AP2B1: variants seen among roughly 807,000 people sequenced by gnomAD.
AP2B1 encodes AP-2 complex subunit beta.
AP2B1 carries 23 observed loss-of-function variants against 102.0 expected under a neutral mutation model. That is an observed-to-expected ratio of 0.23 (90% CI 0.16 to 0.32). The LOEUF (loss-of-function observed/expected upper bound fraction) is 0.32. Ranked by LOEUF, AP2B1 falls within the 10% of genes least tolerant of loss-of-function variation. The pLI, the probability that AP2B1 is intolerant of heterozygous loss-of-function variation, is 1.00. For synonymous variants in AP2B1, 381 were observed against 421.2 expected (o/e 0.90, Z 1.17); for missense variants, 541 against 1,157.4 (o/e 0.47, Z 7.73).
intron 5 of AP2B1, among the ~76,000 whole-genome samples, chr17:35,612,590 T>C (rs1411495453): frequency 1.3e-5 from 2 of 152,226 alleles, no homozygotes; most frequent in Non-Finnish European, 2.9e-5. Flanking sequence ...TTACTTACAA[T>C]GTTTCACTTA....
At chr17:35,612,749 T>C (rs2073899610) in intron 5 of AP2B1, among the ~76,000 whole-genome samples, 1 of 152,128 alleles carries the variant, frequency 6.6e-6, no homozygotes, top group Non-Finnish European at 1.5e-5. Flanking sequence ...ACTCCATTGC[T>C]GGTTACTACC....
At chr17:35,605,493 G>A (rs535784316) in intron 3 of AP2B1, among the ~76,000 whole-genome samples, 4 of 152,110 alleles carry the variant, frequency 2.6e-5, no homozygotes, top group Admixed American at 2.6e-4. Flanking sequence ...CAGGTGATCC[G>A]CCTGCCTTGG....
chr17:35,707,451 TC>T (rs1490722040), intron 18 of AP2B1, among the ~76,000 whole-genome samples: 1 of 89,908 alleles, frequency 1.1e-5, no homozygotes, highest in Admixed American at 1.3e-4. Flanking sequence ...GTGCCCGGCT[TC>T]CCCCCTTTTT....
At chr17:35,615,658 A>G (rs1436806638) in intron 5 of AP2B1, among the ~76,000 whole-genome samples, 4 of 152,232 alleles carry the variant, frequency 2.6e-5, no homozygotes, top group Non-Finnish European at 4.4e-5. Context: ...TTAAATATAT[A>G]TTAGTAAGTA....
At chr17:35,695,579 G>A (rs2076125900) in intron 18 of AP2B1, among the ~76,000 whole-genome samples, 1 of 151,954 alleles carries the variant, frequency 6.6e-6, no homozygotes, top group African/African-American at 2.4e-5. Flanking sequence ...CTAACTTATA[G>A]CAAATGTATA....
intron 1 of AP2B1, among the ~76,000 whole-genome samples, chr17:35,589,117 TTGTAGTC>T (rs2072999938): frequency 6.6e-6 from 1 of 152,232 alleles, no homozygotes; most frequent in African/African-American, 2.4e-5. Context: ...AGAAGCTACT[TTGTAGTC>T]TGTTATGTTT....
intron 5 of AP2B1, among the ~76,000 whole-genome samples, chr17:35,623,380 A>G (rs1449823537): frequency 5.9e-5 from 9 of 152,066 alleles, no homozygotes; most frequent in Admixed American, 4.6e-4. Context: ...CCTGGCCAAC[A>G]TGGCAAAACC....
At chr17:35,648,741 T>C (rs1321991292) in intron 12 of AP2B1, among the ~76,000 whole-genome samples, 3 of 96,622 alleles carry the variant, frequency 3.1e-5, no homozygotes, top group African/African-American at 1.5e-4. Flanking sequence ...TTATATGAAA[T>C]AAGTGTGTGT....
intron 21 of AP2B1, among the ~76,000 whole-genome samples, chr17:35,720,887 C>T (rs1027255630): frequency 4.6e-5 from 7 of 152,118 alleles, no homozygotes; most frequent in African/African-American, 7.2e-5. Flanking sequence ...CCCTAAGTGG[C>T]ACCCTTTTAG....
At chr17:35,682,010 T>C (rs8078905) in intron 17 of AP2B1, among the ~76,000 whole-genome samples, 72,951 of 151,952 alleles carry the variant, frequency 0.48, 17,587 homozygotes, top group East Asian at 0.52. Context: ...ATCCCAGCAC[T>C]TTGGGAGGCC....
intron 18 of AP2B1, among the ~76,000 whole-genome samples, chr17:35,694,789 A>T (rs2076109160): frequency 6.6e-6 from 1 of 152,226 alleles, no homozygotes; most frequent in Admixed American, 6.5e-5. Context: ...AGGCTGAGAC[A>T]GAAGAATCGC....
intron 19 of AP2B1, 36 bp downstream of exon 19, chr17:35,709,344 T>G (rs2076403290): frequency 6.4e-7 from 1 of 1,564,596 alleles, no homozygotes; most frequent in African/African-American, 1.4e-5. Context: ...TGAATATACC[T>G]TTGCCCTTCC....
chr17:35,608,067 G>T, intron 4 of AP2B1, 75 bp from the exon 5 acceptor site: 6 of 1,547,574 alleles, frequency 3.9e-6, no homozygotes, highest in Non-Finnish European at 5.3e-6. Context: ...TAATTCTTTT[G>T]CAGCTTACAT....
At chr17:35,688,233 A>G (rs1244884918) in intron 18 of AP2B1, among the ~76,000 whole-genome samples, 1 of 152,202 alleles carries the variant, frequency 6.6e-6, no homozygotes, top group Non-Finnish European at 1.5e-5. Flanking sequence ...TTTCCTGAGA[A>G]TAGGTATGTA....
At chr17:35,639,797 G>C (rs1271490975) in intron 11 of AP2B1, 37 bp downstream of exon 11, 1 of 1,590,660 alleles carries the variant, frequency 6.3e-7, no homozygotes, top group East Asian at 2.2e-5. Flanking sequence ...AGTAGTTTTA[G>C]ATGTCTTTGG....
chr17:35,637,455 C>G (rs1339188065), intron 10 of AP2B1, among the ~76,000 whole-genome samples: 3 of 151,982 alleles, frequency 2.0e-5, no homozygotes, highest in African/African-American at 7.2e-5. Context: ...GCTGGGATTA[C>G]AGGCATGAGC....
intron 18 of AP2B1, among the ~76,000 whole-genome samples, chr17:35,704,071 C>T (rs2076292989): frequency 6.6e-6 from 1 of 152,140 alleles, no homozygotes; most frequent in Non-Finnish European, 1.5e-5. Flanking sequence ...TTTCCTGTCT[C>T]CCTCCAACAA....
intron 5 of AP2B1, among the ~76,000 whole-genome samples, chr17:35,622,324 G>A (rs2074202551): frequency 6.6e-6 from 1 of 152,220 alleles, no homozygotes; most frequent in African/African-American, 2.4e-5. Context: ...GATTGCATTT[G>A]TGGCATCATT....
chr17:35,605,844 A>G lies in AP2B1; in HGVS notation c.279+4A>G, dbSNP rs756731050. 1.2e-5 allele frequency: 19 copies of G among 1,608,266 alleles called. No homozygotes were observed. The highest frequency in any genetic ancestry group is 1.5e-5 in the Non-Finnish European group (18 of 1,178,104). On this transcript the variant is annotated splice_donor_region_variant and intron_variant, in intron 4 of 21. Coordinates refer to ENST00000610402, the MANE Select transcript of AP2B1 (RefSeq NM_001030006.2). ...GGCTGTAAACAGCTTTGTGAAGGTA[A>G]CTTTTCCCAAGGCCTCAATAACAGA...
Sources: allele counts gnomAD v4.1 joint callset (sites outside exome capture counted in the v4.1 genomes callset), GRCh38; gene constraint gnomAD v4.1.1; transcripts MANE v1.5; gene names NCBI Gene and HGNC (gene_info 2026-07-23, HGNC 2026-07-21).